VAC14: variants seen among roughly 807,000 people sequenced by gnomAD.
VAC14 encodes protein VAC14 homolog.
VAC14 carries 47 observed loss-of-function variants against 85.3 expected under a neutral mutation model. That is an observed-to-expected ratio of 0.55 (90% CI 0.44 to 0.70). The LOEUF (loss-of-function observed/expected upper bound fraction) is 0.70. Ranked by LOEUF, VAC14 falls within the 30% of genes least tolerant of loss-of-function variation. The probability of loss-of-function intolerance (pLI) is 0.00; values close to 1 mark genes in which losing one functional copy is unlikely to be tolerated. For synonymous variants in VAC14, 447 were observed against 430.5 expected (o/e 1.04, Z -0.47); for missense variants, 861 against 1,004.3 (o/e 0.86, Z 1.93).
chr16:70,800,974 C>CA lies in VAC14; in HGVS notation c.-75_-74insT. On this transcript the variant is annotated 5_prime_UTR_variant, in exon 1 of 19. The change abolishes the stop of an existing upstream ORF in the 5' untranslated region. Transcript: ENST00000261776. ...GCCGCGCCGGGGCCAGGGGAGTCTG[C>CA]GGCTCCGCTCTGCCCCCGGCGCCGG... is the stretch of plus-strand genomic sequence containing the variant. 1 of 1,090,074 alleles carries CA rather than the reference C, an allele frequency of 9.2e-7. No homozygotes were observed. Among genetic ancestry groups the CA allele is most frequent in the Non-Finnish European group, 1.3e-6 (1 of 793,282 alleles). The allele number at this position is 1,090,074 out of a possible 1,614,324, so 67.5% of individuals were successfully genotyped here. A position where few individuals can be genotyped will look rare whatever the true frequency, so the allele number is the denominator to read the frequency against.
intron 1 of VAC14, among the ~76,000 whole-genome samples, chr16:70,788,707 A>G (rs978302153): frequency 2.0e-5 from 3 of 152,236 alleles, no homozygotes; most frequent in African/African-American, 7.2e-5. Flanking sequence ...TTGGTGGTTC[A>G]GTGGTAGAAT....
chr16:70,721,123 A>G (rs2054280047), intron 14 of VAC14, among the ~76,000 whole-genome samples: 1 of 152,220 alleles, frequency 6.6e-6, no homozygotes, highest in African/African-American at 2.4e-5. Context: ...AGAGATGTTC[A>G]CCGTCAAAGT....
At chr16:70,796,350 T>C (rs2034545419) in intron 1 of VAC14, among the ~76,000 whole-genome samples, 1 of 152,206 alleles carries the variant, frequency 6.6e-6, no homozygotes, top group Non-Finnish European at 1.5e-5. Flanking sequence ...GTGGTTTTAA[T>C]GCCTCACTGG....
intron 14 of VAC14, among the ~76,000 whole-genome samples, chr16:70,705,059 T>C (rs988703387): frequency 1.3e-5 from 2 of 152,230 alleles, no homozygotes; most frequent in Non-Finnish European, 1.5e-5. Context: ...TCGGGATACT[T>C]GTGCCGGCTC....
At chr16:70,735,760 C>T (rs1405390469) in intron 13 of VAC14, among the ~76,000 whole-genome samples, 4 of 152,262 alleles carry the variant, frequency 2.6e-5, no homozygotes, top group African/African-American at 9.6e-5. Flanking sequence ...AGGCCTCATT[C>T]CACTTCTTGT....
intron 14 of VAC14, among the ~76,000 whole-genome samples, chr16:70,707,806 T>C (rs1284622195): frequency 2.6e-5 from 4 of 151,818 alleles, no homozygotes; most frequent in Admixed American, 6.6e-5. Flanking sequence ...TTTTTCTTTT[T>C]TTTTTTTTCA....
chr16:70,787,581 C>T (rs915965218), intron 1 of VAC14, among the ~76,000 whole-genome samples: 1 of 152,222 alleles, frequency 6.6e-6, no homozygotes, highest in Non-Finnish European at 1.5e-5. Flanking sequence ...CAGGCCTCTG[C>T]CCTCCCAAAT....
chr16:70,717,981 CTT>C (rs1464614792), intron 14 of VAC14, among the ~76,000 whole-genome samples: 2 of 152,222 alleles, frequency 1.3e-5, no homozygotes, highest in Non-Finnish European at 2.9e-5. Context: ...GACTCTATAA[CTT>C]TCTCTCTTAC....
At chr16:70,744,665 C>T (rs920386972) in intron 12 of VAC14, 86 bp from the exon 13 acceptor site, 10 of 1,472,110 alleles carry the variant, frequency 6.8e-6, no homozygotes, top group Admixed American at 4.8e-5. Context: ...TGGCACACAG[C>T]CACCTGCAGG....
At chr16:70,752,061 G>A (rs1209234215) in intron 12 of VAC14, among the ~76,000 whole-genome samples, 1 of 152,222 alleles carries the variant, frequency 6.6e-6, no homozygotes, top group African/African-American at 2.4e-5. Flanking sequence ...TTTTGTCTTA[G>A]TAAACCAAAA....
chr16:70,768,827 GTCT>G (rs1357448652), intron 10 of VAC14: 7 of 453,710 alleles, frequency 1.5e-5, no homozygotes, highest in Non-Finnish European at 3.1e-5. Flanking sequence ...GTGTGACAGA[GTCT>G]CGCTCTGTCA....
At chr16:70,787,791 CCA>C (rs747443072) in intron 1 of VAC14, among the ~76,000 whole-genome samples, 4 of 152,144 alleles carry the variant, frequency 2.6e-5, no homozygotes, top group Non-Finnish European at 5.9e-5. Context: ...GTCTGGGGCC[CCA>C]GAGAACAGTA....
chr16:70,753,520 G>A (rs947499906), intron 12 of VAC14, among the ~76,000 whole-genome samples: 8 of 152,212 alleles, frequency 5.3e-5, no homozygotes, highest in African/African-American at 1.4e-4. Context: ...TGGCTGCCTC[G>A]CCTAGGGCTG....
chr16:70,786,921 G>A (rs1170609262), intron 1 of VAC14, among the ~76,000 whole-genome samples: 2 of 152,226 alleles, frequency 1.3e-5, no homozygotes, highest in African/African-American at 4.8e-5. Context: ...TGCCGGCTGA[G>A]TCAGATCTTA....
At chr16:70,744,961 G>A (rs976493354) in intron 12 of VAC14, 2 of 185,024 alleles carry the variant, frequency 1.1e-5, no homozygotes, top group African/African-American at 2.4e-5. Context: ...CGCAGGCTGC[G>A]CAAGGCTCCC....
intron 14 of VAC14, among the ~76,000 whole-genome samples, chr16:70,723,835 G>T (rs1288489740): frequency 1.3e-5 from 2 of 152,254 alleles, no homozygotes; most frequent in African/African-American, 4.8e-5. Context: ...CTGACCACGT[G>T]TGCCATGTGG....
intron 14 of VAC14, 59 bp from the exon 15 acceptor site, chr16:70,698,870 A>C: frequency 1.1e-5 from 17 of 1,569,342 alleles, no homozygotes; most frequent in African/African-American, 1.4e-5. Context: ...TCTGTGTCTC[A>C]GCCTGGGAGG....
chr16:70,734,988 G>A (rs1384288273), intron 13 of VAC14, among the ~76,000 whole-genome samples: 5 of 152,146 alleles, frequency 3.3e-5, no homozygotes, highest in Non-Finnish European at 7.4e-5. Context: ...CGGCACTAAT[G>A]TTCGGACATG....
At position 70,689,708 on chromosome 16, in the gene VAC14, C is replaced by T. The variant is rs556694575; in HGVS notation, c.2187-1618G>A. On this transcript the variant is annotated intron_variant, in intron 18 of 18. Transcript: ENST00000261776. ...CTCCTGGCTCCCTAGCGGGGCTCAGCTGACTTTAGTTCAACAAAGATCAAA... is the reference window on the plus strand; with the variant it reads ...CTCCTGGCTCCCTAGCGGGGCTCAGTTGACTTTAGTTCAACAAAGATCAAA... 3.0e-6 allele frequency: 3 copies of T among 985,628 alleles called. No homozygotes were observed. The African/African-American group carries it at 5.2e-5, about 17-fold the overall frequency. The allele number at this position is 985,628 out of a possible 1,614,324, so 61.1% of individuals were successfully genotyped here.
Sources: gnomAD v4.1 joint callset for allele counts (sites outside exome capture counted in the v4.1 genomes callset) on GRCh38, gnomAD v4.1.1 for gene constraint, MANE v1.5 for transcripts, NCBI Gene and HGNC (gene_info 2026-07-23, HGNC 2026-07-21) for gene names.